The following CEP89 variants were observed in gnomAD, a reference collection of about 807,000 sequenced individuals.
CEP89 encodes the protein centrosomal protein of 89 kDa.
A neutral mutation model predicts 97.6 loss-of-function variants in CEP89; 95 were observed. The ratio of observed to expected loss-of-function variants is 0.97; its 90% CI spans 0.82 to 1.15. The LOEUF (loss-of-function observed/expected upper bound fraction) is 1.15. Ranked by LOEUF, CEP89 falls within the 50% of genes most tolerant of loss-of-function variation. The probability of loss-of-function intolerance (pLI) is 0.00; values close to 1 mark genes in which losing one functional copy is unlikely to be tolerated. For synonymous variants in CEP89, 354 were observed against 349.1 expected, an observed-to-expected ratio of 1.01 and a Z score of -0.16; for missense variants, 869 against 947.7, an observed-to-expected ratio of 0.92 and a Z score of 1.09.
Position 32,931,555 on chromosome 19 carries a change from T to C in CEP89, c.903A>G (p.Leu301=). Residue 301 remains leucine (L), a synonymous_variant, in exon 9 of 19, where the codon TTA becomes TTG. Transcript: ENST00000305768. ...ASSQEVAAPE[L]LYLRKQAQEL... Reference sequence around the variant, plus strand: ...CTTGAGCTTGTTTTCGCAGATAAAGTAATTCAGGTGCAGCAACTAGGGAAA... The same window carrying C: ...CTTGAGCTTGTTTTCGCAGATAAAGCAATTCAGGTGCAGCAACTAGGGAAA... 1.3e-6 allele frequency: 2 copies of C among 1,583,990 alleles called. No homozygotes were observed. Among genetic ancestry groups the C allele is most frequent in the East Asian group, 2.3e-5 (1 of 44,014 alleles).
At chr19:32,932,134 T>C (rs1970489317) in intron 8 of CEP89, among the ~76,000 whole-genome samples, 1 of 147,662 alleles carries the variant, frequency 6.8e-6, no homozygotes, top group Non-Finnish European at 1.5e-5. Flanking sequence ...TGAGCCGAAA[T>C]CACGCCACTG....
At chr19:32,880,214 G>T (rs967117185) in intron 18 of CEP89, among the ~76,000 whole-genome samples, 1 of 152,212 alleles carries the variant, frequency 6.6e-6, no homozygotes, top group African/African-American at 2.4e-5. Context: ...GGAGAGGCCA[G>T]CTCCTTCCCG....
rs142255421 is a variant in CEP89, at chr19:32,894,663, G to A, written c.1875+5194C>T. Among the ~76,000 whole-genome samples, 20 of 152,296 alleles carry A rather than the reference G, an allele frequency of 1.3e-4. No homozygotes were observed. In the East Asian group the frequency reaches 3.9e-3, roughly 29 times the overall value. On this transcript the variant is annotated intron_variant, in intron 16 of 18. Transcript: ENST00000305768. ...AATTATACATGTGATACATGTTAGA[G>A]CATGTACATGCTGAGTGCATGCACC... is the stretch of plus-strand genomic sequence containing the variant.
At chr19:32,900,081 C>T (rs1969732458) in intron 15 of CEP89, 83 bp from the exon 16 acceptor site, 1 of 1,284,516 alleles carries the variant, frequency 7.8e-7, no homozygotes, top group Non-Finnish European at 1.1e-6. Flanking sequence ...ATTACAAAAA[C>T]AGCAAGTATG....
In CEP89 at chr19:32,923,232, A is replaced by T. The variant is rs3795059; in HGVS notation, c.1268+207T>A. Among the ~76,000 whole-genome samples the T allele has an allele frequency of 8.5e-3, 1,290 of 152,306 alleles. 37 individuals are homozygous for T. The East Asian group carries it at 0.099, about 12-fold the overall frequency. ...AAGCAACTGTATTTCAGGTTTGAGA[A>T]CCTACTTAGAATTTTAAAAGTCATC... On this transcript the variant is annotated intron_variant, in intron 12 of 18. Transcript: ENST00000305768.
At chr19:32,944,040 C>A (rs1913248384) in intron 5 of CEP89, among the ~76,000 whole-genome samples, 1 of 151,900 alleles carries the variant, frequency 6.6e-6, no homozygotes, top group African/African-American at 2.4e-5. Context: ...CCAGCCTGGG[C>A]AACATAGTAA....
intron 15 of CEP89, among the ~76,000 whole-genome samples, chr19:32,900,371 G>C (rs1969739622): frequency 6.6e-6 from 1 of 151,038 alleles, no homozygotes; most frequent in Non-Finnish European, 1.5e-5. Context: ...TCAGCCTCCT[G>C]AGTAGTTGGG....
intron 3 of CEP89, among the ~76,000 whole-genome samples, chr19:32,958,018 C>CCCT (rs72253277): frequency 0.017 from 2,338 of 140,726 alleles, 88 homozygotes; most frequent in African/African-American, 0.058. Flanking sequence ...AAAAATCCCC[C>CCCT]CCCCGCCAAA....
chr19:32,937,509 G>T, intron 7 of CEP89, 122 bp downstream of exon 7: 2 of 815,306 alleles, frequency 2.5e-6, no homozygotes, highest in South Asian at 3.0e-5. Flanking sequence ...TTTGAGGCAA[G>T]GGTGAAAGTT....
At chr19:32,931,791 T>C (rs999384539) in intron 8 of CEP89, among the ~76,000 whole-genome samples, 8 of 152,204 alleles carry the variant, frequency 5.3e-5, no homozygotes, top group African/African-American at 1.4e-4. Context: ...ATTGAAAGTT[T>C]GTGGAAGTTT....
At chr19:32,966,870 G>A (rs770196234) in intron 1 of CEP89, among the ~76,000 whole-genome samples, 5 of 152,106 alleles carry the variant, frequency 3.3e-5, no homozygotes, top group Non-Finnish European at 4.4e-5. Flanking sequence ...TTTGAGATGG[G>A]GTCTTGCTCT....
At chr19:32,926,314 A>T in intron 10 of CEP89, 41 bp from the exon 11 acceptor site, 1 of 1,401,670 alleles carries the variant, frequency 7.1e-7, no homozygotes, top group Non-Finnish European at 1.0e-6. Flanking sequence ...TATTTCTTAC[A>T]TCTAAACACA....
chr19:32,880,150 A>T (rs2145863849), intron 18 of CEP89, among the ~76,000 whole-genome samples: 1 of 152,320 alleles, frequency 6.6e-6, no homozygotes, highest in Admixed American at 6.5e-5. Flanking sequence ...ATAGACCAGG[A>T]CACGAGCCAC....
In CEP89 at chr19:32,956,244, C is replaced by T. The variant is rs537784304; in HGVS notation, c.306-2443G>A. ...TAATTTTTTGTATTTTTAGTAAAGA[C>T]AGGGTTTCACCATGTTGGCCAGGAT... On this transcript the variant is annotated intron_variant, in intron 3 of 18. Coordinates refer to ENST00000305768, the MANE Select transcript of CEP89 (RefSeq NM_032816.5). Among the ~76,000 whole-genome samples, 11 of 151,728 alleles carry T rather than the reference C, an allele frequency of 7.2e-5. No individual in the cohort carries two copies. The South Asian group carries it at 2.3e-3, about 32-fold the overall frequency.
At chr19:32,889,729 C>G (rs951415980) in intron 16 of CEP89, among the ~76,000 whole-genome samples, 4 of 152,154 alleles carry the variant, frequency 2.6e-5, no homozygotes, top group Non-Finnish European at 4.4e-5. Flanking sequence ...CACGTCCTGC[C>G]CTACAAACAA....
Position 32,937,654 on chromosome 19 carries a change from C to T in CEP89, c.644G>A (p.Cys215Tyr), listed in dbSNP as rs1464924436. 3 of 1,606,800 alleles carry T rather than the reference C, an allele frequency of 1.9e-6. No homozygotes were observed. Among genetic ancestry groups the T allele is most frequent in the Admixed American group, 3.4e-5 (2 of 59,364 alleles). ...ACCTGGGGAGGGTGGAGGTTTCTCA[C>T]ATAATGGAGGTTTTTCATCCTAGGA... is the stretch of plus-strand genomic sequence containing the variant. ...LNLKDEKPPL[C>Y]EKPPPSPDIT... Residue 215 changes from cysteine (C) to tyrosine (Y), a missense_variant, in exon 7 of 19, where the codon TGT becomes TAT. By Grantham distance (194) the Cys-to-Tyr change is radical. Transcript: ENST00000305768.
chr19:32,887,123 C>T (rs1055489149), intron 17 of CEP89, among the ~76,000 whole-genome samples: 10 of 151,396 alleles, frequency 6.6e-5, no homozygotes, highest in Non-Finnish European at 1.3e-4. Flanking sequence ...CCCGGGAGTT[C>T]GAGGCTGCAG....
chr19:32,927,081 T>C (rs748331987), intron 9 of CEP89, 97 bp from the exon 10 acceptor site: 3 of 1,101,082 alleles, frequency 2.7e-6, no homozygotes, highest in Non-Finnish European at 4.1e-6. Flanking sequence ...ATTGCCCATC[T>C]ATGCATTTAT....
At chr19:32,903,014 C>T (rs1336648585) in intron 14 of CEP89, among the ~76,000 whole-genome samples, 2 of 152,048 alleles carry the variant, frequency 1.3e-5, no homozygotes, top group African/African-American at 4.8e-5. Flanking sequence ...CTAGAGGTTG[C>T]TTTGGGCCCA....
Sources: allele counts gnomAD v4.1 joint callset (sites outside exome capture counted in the v4.1 genomes callset), GRCh38; gene constraint gnomAD v4.1.1; transcripts MANE v1.5; gene names NCBI Gene and HGNC (gene_info 2026-07-23, HGNC 2026-07-21).